The following RAB2B variants were observed in gnomAD, a reference collection of about 807,000 sequenced individuals.
RAB2B encodes the protein RAB2B, member RAS oncogene family, also known as ras-related protein Rab-2B.
In RAB2B, 20 loss-of-function variants were observed where a neutral mutation model predicts 29.8. The observed-to-expected ratio is 0.67, with a 90% CI of 0.47 to 0.97. The LOEUF is 0.97. RAB2B is among the 50% of genes least tolerant of loss of function. The pLI, the probability that RAB2B is intolerant of heterozygous loss-of-function variation, is 0.00. For synonymous variants in RAB2B, 93 were observed against 91.7 expected, an observed-to-expected ratio of 1.01 and a Z score of -0.08; for missense variants, 218 against 272.0, an observed-to-expected ratio of 0.80 and a Z score of 1.40.
rs1594405716 is a variant in RAB2B at position 21,461,165 on chromosome 14, A to G, written c.*31T>C. 2.0e-6 allele frequency: 3 copies of G among 1,486,238 alleles called. No individual in the cohort carries two copies. Among genetic ancestry groups the G allele is most frequent in the African/African-American group, 1.4e-5 (1 of 71,858 alleles). The allele number at this position is 1,486,238 out of a possible 1,614,324, so 92.1% of individuals were successfully genotyped here. A position where few individuals can be genotyped will look rare whatever the true frequency, so the allele number is the denominator to read the frequency against. On this transcript the variant is annotated 3_prime_UTR_variant, in exon 8 of 8. Coordinates refer to ENST00000397762, the MANE Select transcript of RAB2B (RefSeq NM_032846.4). ...AAGCCTATTGATCTGAAGCTATTCC[A>G]GGAAGGACAAAAAAAGTTCAAGCCA...
chr14:21,461,388 G>A (rs767757210), intron 7 of RAB2B, 85 bp from the exon 8 acceptor site: 19 of 829,300 alleles, frequency 2.3e-5, no homozygotes, highest in Non-Finnish European at 3.2e-5. Context: ...TTGTATCCCA[G>A]GGTAGAAAGA....
intron 3 of RAB2B, among the ~76,000 whole-genome samples, chr14:21,473,407 T>C (rs1890867373): frequency 6.6e-6 from 1 of 152,190 alleles, no homozygotes; most frequent in Non-Finnish European, 1.5e-5. Flanking sequence ...ACAAATCAAA[T>C]GAGATAATGC....
rs200354215 is a variant in RAB2B at position 21,476,556 on chromosome 14, C to T, written c.90G>A (p.Arg30=). Reference sequence around the variant, plus strand: ...TTGTGAGGTCGTGGACAGGCTGGAACCGCTTATCTGTAAACTGCAGGAGGA... The same window carrying T: ...TTGTGAGGTCGTGGACAGGCTGGAATCGCTTATCTGTAAACTGCAGGAGGA... ...SCLLLQFTDK[R]FQPVHDLTIG... The change falls in exon 2 of 8, where the codon CGG becomes CGA. Residue 30 remains arginine (R), a synonymous_variant. Transcript: ENST00000397762. 1.5e-5 allele frequency: 24 copies of T among 1,613,754 alleles called. No homozygotes were observed. In the East Asian group the frequency reaches 5.3e-4, roughly 36 times the overall value.
intron 7 of RAB2B, 148 bp downstream of exon 7, chr14:21,462,202 T>TAAAA: frequency 3.0e-5 from 12 of 404,330 alleles, no homozygotes; most frequent in Admixed American, 5.1e-5. Context: ...TACCTAGATT[T>TAAAA]AAAAAAAAAA....
chr14:21,474,862 C>G lies in RAB2B; in HGVS notation c.186+5G>C. The G allele has an allele frequency of 6.2e-7, 1 of 1,612,000 alleles. No homozygotes were observed. Among genetic ancestry groups the G allele is most frequent in the Non-Finnish European group, 8.5e-7 (1 of 1,178,094 alleles). On this transcript the variant is annotated splice_donor_5th_base_variant and intron_variant, in intron 3 of 7. Coordinates refer to ENST00000397762, the MANE Select transcript of RAB2B (RefSeq NM_032846.4). ...GTCAGAGACTAAATTATTTTGTACT[C>G]TCACCGTATCCCAGATTTGCAGTTT... is the stretch of plus-strand genomic sequence containing the variant.
chr14:21,462,329 A>T, intron 7 of RAB2B, 21 bp downstream of exon 7: 1 of 1,607,902 alleles, frequency 6.2e-7, no homozygotes, highest in Non-Finnish European at 8.5e-7. Context: ...GTTAACTGCC[A>T]GCACTTCTAC....
Position 21,461,467 on chromosome 14 carries a change from A to G in RAB2B, c.544-164T>C, listed in dbSNP as rs1456632790. ...AAAAGCAGATTTGACCTTGGCAGGT[A>G]ACCAGATGCCCTAGCCACGCTGATG... On this transcript the variant is annotated intron_variant, in intron 7 of 7. Coordinates refer to ENST00000397762, the MANE Select transcript of RAB2B (RefSeq NM_032846.4). 2.6e-5 allele frequency among the ~76,000 whole-genome samples: 4 copies of G among 152,248 alleles called. 1 individual carries two copies. The highest frequency in any genetic ancestry group is 7.2e-5 in the African/African-American group (3 of 41,464).
chr14:21,462,274 C>A, intron 7 of RAB2B, 76 bp downstream of exon 7: 1 of 1,173,366 alleles, frequency 8.5e-7, no homozygotes, highest in African/African-American at 1.6e-5. Context: ...GGAATGTAAG[C>A]ATTCCATTCT....
chr14:21,471,100 G>A (rs892530262), intron 3 of RAB2B, among the ~76,000 whole-genome samples: 1 of 151,990 alleles, frequency 6.6e-6, no homozygotes, highest in African/African-American at 2.4e-5. Context: ...TTGAGCCCGG[G>A]AGGCAGAGGC....
At position 21,461,188 on chromosome 14, in the gene RAB2B, C is replaced by A. The variant is rs755350193; in HGVS notation, c.*8G>T. On this transcript the variant is annotated 3_prime_UTR_variant, in exon 8 of 8. Transcript: ENST00000397762. Reference sequence around the variant, plus strand: ...CCAGGAAGGACAAAAAAAGTTCAAGCCAGATGTTCAGCAGCAGCCAGAGTT... The same window carrying A: ...CCAGGAAGGACAAAAAAAGTTCAAGACAGATGTTCAGCAGCAGCCAGAGTT... 6.2e-7 allele frequency: 1 copy of A among 1,600,980 alleles called. No homozygotes were observed. The highest frequency in any genetic ancestry group is 1.3e-5 in the African/African-American group (1 of 74,434).
chr14:21,472,727 C>T (rs6571846), intron 3 of RAB2B, among the ~76,000 whole-genome samples: 123,437 of 151,966 alleles, frequency 0.81, 51,396 homozygotes, highest in Middle Eastern at 0.92. Context: ...CTCAACTTTC[C>T]TTTTTTGTTT....
Position 21,459,600 on chromosome 14 carries a change from A to G in RAB2B, c.*1596T>C, listed in dbSNP as rs2139587271. On this transcript the variant is annotated 3_prime_UTR_variant, in exon 8 of 8. Transcript: ENST00000397762. ...GAAAGACAAGATTCCACACAAAAAC[A>G]ACTGCAAACCATATTTACATAGTAA... The G allele has an allele frequency of 6.6e-6, 1 of 152,378 alleles. No individual in the cohort carries two copies. Among genetic ancestry groups the G allele is most frequent in the South Asian group, 2.1e-4 (1 of 4,828 alleles). 9.4% of individuals were successfully genotyped at this position (152,378 alleles called of 1,614,324 possible).
chr14:21,461,409 G>A, intron 7 of RAB2B, 106 bp from the exon 8 acceptor site: 1 of 686,086 alleles, frequency 1.5e-6, no homozygotes, highest in African/African-American at 1.9e-5. Flanking sequence ...AAACAGAAAG[G>A]GGAGAAAGGA....
intron 3 of RAB2B, among the ~76,000 whole-genome samples, chr14:21,472,821 TAAA>T (rs61115443): frequency 0.016 from 2,126 of 131,066 alleles, 18 homozygotes; most frequent in Non-Finnish European, 0.027. Flanking sequence ...TATGAGTGCT[TAAA>T]AAAAAAAAAA....
intron 3 of RAB2B, among the ~76,000 whole-genome samples, chr14:21,474,120 G>A (rs7141654): frequency 0.81 from 123,648 of 152,106 alleles, 51,552 homozygotes; most frequent in Middle Eastern, 0.92. Context: ...GAACCCAGGC[G>A]GTGGAGGTCG....
At position 21,459,871 on chromosome 14, in the gene RAB2B, AG is replaced by A. The variant is rs1040220996; in HGVS notation, c.*1324del. ...GTAGAAAGTCTAGGTCTAGTTAAGA[AG>A]GGAGTTTGATGAAACAGTAGAAGTC... On this transcript the variant is annotated 3_prime_UTR_variant, in exon 8 of 8. Transcript: ENST00000397762. 1 of 261,666 alleles carries A rather than the reference AG, an allele frequency of 3.8e-6. No individual in the cohort carries two copies. The highest frequency in any genetic ancestry group is 7.7e-6 in the Non-Finnish European group (1 of 129,642). 16.2% of individuals were successfully genotyped at this position (261,666 alleles called of 1,614,324 possible).
intron 2 of RAB2B, among the ~76,000 whole-genome samples, chr14:21,475,538 C>T (rs1440977516): frequency 6.7e-6 from 1 of 149,168 alleles, no homozygotes; most frequent in East Asian, 2.0e-4. Context: ...TCAAGTGATT[C>T]TCCTGCCTCA....
intron 7 of RAB2B, 81 bp from the exon 8 acceptor site, chr14:21,461,384 C>A: frequency 5.8e-6 from 5 of 859,500 alleles, no homozygotes; most frequent in Admixed American, 2.7e-5. Flanking sequence ...CTGCTTGTAT[C>A]CCAGGGTAGA....
chr14:21,467,688 C>A (rs1890717681), intron 5 of RAB2B, among the ~76,000 whole-genome samples: 1 of 152,084 alleles, frequency 6.6e-6, no homozygotes, highest in Non-Finnish European at 1.5e-5. Context: ...AAAAGAATTA[C>A]CATATGATCC....
Sources: gnomAD v4.1 joint callset for allele counts (sites outside exome capture counted in the v4.1 genomes callset) on GRCh38, gnomAD v4.1.1 for gene constraint, MANE v1.5 for transcripts, NCBI Gene and HGNC (gene_info 2026-07-23, HGNC 2026-07-21) for gene names.